The following NES variants were observed in gnomAD, a reference collection of about 807,000 sequenced individuals.
The protein encoded by NES is nestin.
NES carries 27 observed loss-of-function variants against 35.6 expected under a neutral mutation model. The ratio of observed to expected loss-of-function variants is 0.76; its 90% confidence interval spans 0.56 to 1.04. The LOEUF (loss-of-function observed/expected upper bound fraction) is 1.04, where lower values mean the gene tolerates loss of function less well. Ranked by LOEUF, NES falls within the 50% of genes least tolerant of loss-of-function variation. NES has a pLI of 0.00. For synonymous variants in NES, 822 were observed against 824.2 expected, an observed-to-expected ratio of 1.00 and a Z score of 0.04; for missense variants, 1,867 against 1,983.6, an observed-to-expected ratio of 0.94 and a Z score of 1.12.
chr1:156,673,250 C>T (rs955204485), intron 3 of NES, 45 bp from the exon 4 acceptor site: 17 of 1,423,344 alleles, frequency 1.2e-5, no homozygotes, highest in Non-Finnish European at 1.5e-5. Context: ...ATATCACTGG[C>T]AATGAGGGGA....
chr1:156,672,403 C>T lies in NES; in HGVS notation c.1785G>A (p.Glu595=). The part of the protein sequence containing the change: ...TLKSLEKENK[E]LLKDVEVVRP... ...TCACTACCTCCACATCCTTTAATAG[C>T]TCTTTATTTTCCTTTTCTAGACTTT... The change falls in exon 4 of 4, where the codon GAG becomes GAA. Residue 595 remains glutamate (E), a synonymous_variant. Transcript: ENST00000368223. The T allele has an allele frequency of 6.2e-7, 1 of 1,612,778 alleles. No individual in the cohort carries two copies. Among genetic ancestry groups the T allele is most frequent in the East Asian group, 2.2e-5 (1 of 44,884 alleles).
chr1:156,674,866 C>T (rs933610211), intron 2 of NES, among the ~76,000 whole-genome samples: 1 of 152,210 alleles, frequency 6.6e-6, no homozygotes, highest in Non-Finnish European at 1.5e-5. Flanking sequence ...GACATGACCC[C>T]CTGGGTGCGG....
In NES at chr1:156,671,963, T is replaced by G. The variant is rs370685934; in HGVS notation, c.2225A>C (p.Lys742Thr). The change falls in exon 4 of 4, where the codon AAA becomes ACA. Residue 742 changes from lysine to threonine, a missense_variant. Transcript: ENST00000368223. ...CTGTTCTTCTAAAGACCTCAGTGAT[T>G]TGTGATTCTCTGTTTCTAGAGGTCT... ...IVRPLETENH[K>T]SLRSLEEQDQ... is the part of the protein sequence containing the mutation. 7.3e-5 allele frequency: 118 copies of G among 1,614,088 alleles called. No homozygotes were observed. Among genetic ancestry groups the G allele is most frequent in the Non-Finnish European group, 9.5e-5 (112 of 1,180,038 alleles).
At chr1:156,674,267 C>T (rs1364097560) in intron 2 of NES, among the ~76,000 whole-genome samples, 6 of 152,022 alleles carry the variant, frequency 3.9e-5, no homozygotes, top group Non-Finnish European at 8.8e-5. Flanking sequence ...AGGGACCAAT[C>T]AATTCAATAA....
chr1:156,675,564 C>A (rs907729175), intron 1 of NES, among the ~76,000 whole-genome samples: 1 of 152,238 alleles, frequency 6.6e-6, no homozygotes, highest in Non-Finnish European at 1.5e-5. Flanking sequence ...AGCTCTCTCC[C>A]ATGGCCTGCT....
Position 156,676,909 on chromosome 1 carries a change from T to G in NES, c.356A>C (p.Glu119Ala). ...VARNRRAVEA[E>A]KCARAWLSSQ... The stretch of plus-strand genomic sequence containing the variant: ...ACTCAGCCAGGCCCGGGCGCATTTC[T>G]CTGCCTCGACGGCGCGCCGGTTGCG... Residue 119 changes from glutamate (E) to alanine (A), a missense_variant, in exon 1 of 4, where the codon GAG (glutamate) becomes GCG (alanine). Physicochemically the swap from Glu to Ala is moderately radical, Grantham distance 107 (BLOSUM62 -1). Coordinates refer to ENST00000368223, the MANE Select transcript of NES (RefSeq NM_006617.2). This position sits in a 1 kb window ranked among gnomAD's most constrained non-coding sequence, Gnocchi z 5.3. 1.9e-6 allele frequency: 3 copies of G among 1,556,032 alleles called. No homozygotes were observed. The highest frequency in any genetic ancestry group is 1.8e-4 in the Middle Eastern group (1 of 5,640).
In NES at chr1:156,671,077, G is replaced by A; in HGVS notation, c.3111C>T (p.Gly1037=). The A allele has an allele frequency of 1.9e-6, 3 of 1,613,904 alleles. No individual in the cohort carries two copies. Among genetic ancestry groups the A allele is most frequent in the Non-Finnish European group, 2.5e-6 (3 of 1,180,010 alleles). ...EGASVKGGAE[G]LQDPEGQSQQ... ...GTGATTGCCCTTCAGGGTCCTGGAG[G>A]CCCTCAGCCCCTCCCTTCACACTGG... The change falls in exon 4 of 4, where the codon GGC becomes GGT. Residue 1037 remains glycine, a synonymous_variant. Coordinates refer to ENST00000368223, the MANE Select transcript of NES (RefSeq NM_006617.2).
Position 156,676,394 on chromosome 1 carries a change from C to G in NES, c.783+88G>C. 1 of 1,380,746 alleles carries G rather than the reference C, an allele frequency of 7.2e-7. No homozygotes were observed. Among genetic ancestry groups the G allele is most frequent in the Non-Finnish European group, 9.9e-7 (1 of 1,005,054 alleles). 85.5% of individuals were successfully genotyped at this position (1,380,746 alleles called of 1,614,324 possible). ...CTGATTCAGCAGCCAGCTAGCCCCA[C>G]TCCCTTCCCAGAAGGTCTCTGAGCT... On this transcript the variant is annotated intron_variant, in intron 1 of 3. Coordinates refer to ENST00000368223, the MANE Select transcript of NES (RefSeq NM_006617.2). This position sits in a 1 kb window ranked among gnomAD's most constrained non-coding sequence, Gnocchi z 5.3.
Position 156,671,433 on chromosome 1 carries a change from C to T in NES, c.2755G>A (p.Glu919Lys), listed in dbSNP as rs900209749. The change falls in exon 4 of 4, where the codon GAG becomes AAG. Residue 919 changes from glutamate to lysine, a missense_variant. Coordinates refer to ENST00000368223, the MANE Select transcript of NES (RefSeq NM_006617.2). ...VDKESQRNLEEEENLGKGEYQ... is the reference protein window; with the variant it reads ...VDKESQRNLEKEENLGKGEYQ... ...TCTCCCTTTCCCAGGTTCTCTTCCT[C>T]TTCCAGATTCCTTTGACTTTCCTTG... 22 of 1,613,936 alleles carry T rather than the reference C, an allele frequency of 1.4e-5. No homozygotes were observed. Among genetic ancestry groups the T allele is most frequent in the East Asian group, 2.2e-5 (1 of 44,898 alleles).
intron 1 of NES, 42 bp from the exon 2 acceptor site, chr1:156,675,382 C>A: frequency 6.4e-7 from 1 of 1,560,676 alleles, no homozygotes. Context: ...GGGCTGGGGT[C>A]CCTTCTGTGA....
rs1221071621 is a variant in NES at position 156,677,207 on chromosome 1, C to A, written c.58G>T (p.Glu20Ter). The A allele has an allele frequency of 6.2e-7, 1 of 1,612,754 alleles. No homozygotes were observed. Among genetic ancestry groups the A allele is most frequent in the Non-Finnish European group, 8.5e-7 (1 of 1,179,934 alleles). The change falls in exon 1 of 4, where the codon GAG becomes TAG. Residue 20 changes from glutamate (E) to a stop codon, truncating the protein, a stop_gained. Coordinates refer to ENST00000368223, the MANE Select transcript of NES (RefSeq NM_006617.2). LOFTEE classifies it high-confidence loss of function. The surrounding 1 kb of genome is among the most constrained non-coding windows in gnomAD (Gnocchi z 4.5). ...GCCTTGACCCGGGCCAGGTAGGCCT[C>A]CAGGCGCCGATTGAGCTCCCACATC... ...FQMWELNRRL[E>*]AYLARVKALE...
In NES at chr1:156,670,288, G is replaced by C. The variant is rs2102583943; in HGVS notation, c.3900C>G (p.Pro1300=). 1.2e-6 allele frequency: 2 copies of C among 1,611,846 alleles called. No individual in the cohort carries two copies. The highest frequency in any genetic ancestry group is 3.3e-4 in the Middle Eastern group (2 of 6,042). The change falls in exon 4 of 4, where the codon CCC becomes CCG. Residue 1300 remains proline, a synonymous_variant. Coordinates refer to ENST00000368223, the MANE Select transcript of NES (RefSeq NM_006617.2). ...TGGGGGACCTGAGGTAGAAGCCCAG[G>C]GGAGTGGAGTCTGGAAGGGTCTCCC... ...ELGETLPDST[P]LGFYLRSPTS...
chr1:156,669,185 GCC>G lies in NES; in HGVS notation c.*135_*136del, dbSNP rs911735903. Reference sequence around the variant, plus strand: ...GCCACACCCCTTTTCACCTTAGCGGGCCAGGCCTCTCAGCCAGAAACCATATG... The same window carrying G: ...GCCACACCCCTTTTCACCTTAGCGGGAGGCCTCTCAGCCAGAAACCATATG... On this transcript the variant is annotated 3_prime_UTR_variant, in exon 4 of 4. Coordinates refer to ENST00000368223, the MANE Select transcript of NES (RefSeq NM_006617.2). 1 of 580,556 alleles carries G rather than the reference GCC, an allele frequency of 1.7e-6. No individual in the cohort carries two copies. The allele number at this position is 580,556 out of a possible 1,614,324, so 36.0% of individuals were successfully genotyped here. A position where few individuals can be genotyped will look rare whatever the true frequency, so the allele number is the denominator to read the frequency against.
At position 156,672,789 on chromosome 1, in the gene NES, C is replaced by A. The variant is rs745809865; in HGVS notation, c.1399G>T (p.Ala467Ser). The A allele has an allele frequency of 6.2e-7, 1 of 1,613,410 alleles. No homozygotes were observed. The change falls in exon 4 of 4, where the codon GCA becomes TCA. Residue 467 changes from alanine (A) to serine (S), a missense_variant. By Grantham distance (99) the Ala-to-Ser change is moderately conservative (BLOSUM62 1). Transcript: ENST00000368223. ...GAGTGGTCAGGGCTGAGGGGTGGTG[C>A]CAAGGAGGCATGGTCCTCTGGGGAC... Reference protein sequence around the residue: ...GQSPEDHASLAPPLSPDHSSL... With the variant: ...GQSPEDHASLSPPLSPDHSSL...
chr1:156,673,847 C>T (rs923309558), intron 2 of NES, among the ~76,000 whole-genome samples: 4 of 152,266 alleles, frequency 2.6e-5, no homozygotes, highest in Admixed American at 2.6e-4. Flanking sequence ...CTCCTCCCAC[C>T]CCAGGCCAAT....
At chr1:156,674,881 A>T (rs1301858764) in intron 2 of NES, among the ~76,000 whole-genome samples, 1 of 152,202 alleles carries the variant, frequency 6.6e-6, no homozygotes. Flanking sequence ...GTGCGGGCAC[A>T]CATAGAGTTG....
In NES at chr1:156,671,005, C is replaced by A; in HGVS notation, c.3183G>T (p.Glu1061Asp). 1 of 1,611,892 alleles carries A rather than the reference C, an allele frequency of 6.2e-7. No homozygotes were observed. The highest frequency in any genetic ancestry group is 1.1e-5 in the South Asian group (1 of 90,974). Residue 1061 changes from glutamate to aspartate, a missense_variant, in exon 4 of 4, where the codon GAG becomes GAT. Coordinates refer to ENST00000368223, the MANE Select transcript of NES (RefSeq NM_006617.2). ...PGLQAPQGLPEAIEPLVEDDV... is the reference protein window; with the variant it reads ...PGLQAPQGLPDAIEPLVEDDV... ...CATCTTCCACCAGGGGCTCTATCGC[C>A]TCTGGCAGCCCCTGGGGAGCCTGGA...
Position 156,669,687 on chromosome 1 carries a change from C to A in NES, c.4501G>T (p.Glu1501Ter). The A allele has an allele frequency of 1.1e-5, 17 of 1,614,052 alleles. No individual in the cohort carries two copies. The highest frequency in any genetic ancestry group is 1.4e-5 in the Non-Finnish European group (16 of 1,179,936). The change falls in exon 4 of 4, where the codon GAG (glutamate) becomes TAG (stop). Residue 1501 changes from glutamate to a stop codon, truncating the protein, a stop_gained. Coordinates refer to ENST00000368223, the MANE Select transcript of NES (RefSeq NM_006617.2). LOFTEE classifies it low-confidence loss of function (END_TRUNC). ...DSAEPSGSEE[E>*]SDPVSLERED... is the part of the protein sequence containing the mutation. Reference sequence around the variant, plus strand: ...CTCTCCAAGGAAACAGGGTCAGACTCTTCCTCTGAGCCAGAAGGCTCAGCA... The same window carrying A: ...CTCTCCAAGGAAACAGGGTCAGACTATTCCTCTGAGCCAGAAGGCTCAGCA...
In NES at chr1:156,670,743, C is replaced by G. The variant is rs1459998216; in HGVS notation, c.3445G>C (p.Gly1149Arg). The G allele has an allele frequency of 6.2e-7, 1 of 1,614,066 alleles. No individual in the cohort carries two copies. ...AGCTCGGAGAACTCTGTCCCCAGAC[C>G]ACCTGCCTCCTCTAGGTCCTTTCTA... ...GPRKDLEEAG[G>R]LGTEFSELPG... The change falls in exon 4 of 4, where the codon GGT (glycine) becomes CGT (arginine). Residue 1149 changes from glycine to arginine, a missense_variant. Transcript: ENST00000368223.
Sources: gnomAD v4.1 joint callset for allele counts (sites outside exome capture counted in the v4.1 genomes callset) on GRCh38, gnomAD v4.1.1 for gene constraint, Gnocchi (gnomAD v3.1) non-coding constraint, MANE v1.5 for transcripts, NCBI Gene and HGNC (gene_info 2026-07-23, HGNC 2026-07-21) for gene names.